RWDD2B: variants seen among roughly 807,000 people sequenced by gnomAD.
The protein encoded by RWDD2B is RWD domain containing 2B.
RWDD2B carries 36 observed loss-of-function variants against 33.6 expected under a neutral mutation model. The ratio of observed to expected loss-of-function variants is 1.07; its 90% CI spans 0.82 to 1.42. The LOEUF (loss-of-function observed/expected upper bound fraction) is 1.42. Among genes scored for constraint, RWDD2B ranks in the 40% most tolerant of loss-of-function variants. The pLI is 0.00. For synonymous variants in RWDD2B, 126 were observed against 133.1 expected, an observed-to-expected ratio of 0.95 and a Z score of 0.37; for missense variants, 364 against 377.5, an observed-to-expected ratio of 0.96 and a Z score of 0.30.
Position 29,006,387 on chromosome 21 carries a change from G to T in RWDD2B, c.*30C>A. The T allele has an allele frequency of 7.2e-7, 1 of 1,397,456 alleles. No homozygotes were observed. Among genetic ancestry groups the T allele is most frequent in the Non-Finnish European group, 9.9e-7 (1 of 1,012,966 alleles). 86.6% of individuals were successfully genotyped at this position (1,397,456 alleles called of 1,614,324 possible). A position where few individuals can be genotyped will look rare whatever the true frequency, so the allele number is the denominator to read the frequency against. ...GGAAAAAAAAATCAAAAGGCCAACA[G>T]TGGCAAGATACTTTCAACTACTCTT... On this transcript the variant is annotated 3_prime_UTR_variant, in exon 5 of 5. Transcript: ENST00000493196.
Position 29,008,127 on chromosome 21 carries a change from A to C in RWDD2B, c.363-4T>G. 1 of 1,610,878 alleles carries C rather than the reference A, an allele frequency of 6.2e-7. No individual in the cohort carries two copies. Among genetic ancestry groups the C allele is most frequent in the South Asian group, 1.1e-5 (1 of 90,532 alleles). ...GGATCTACTCAATAATACTGATCTA[A>C]TAGAAAAGATACAAGAAAAATATTG... On this transcript the variant is annotated splice_polypyrimidine_tract_variant and splice_region_variant and intron_variant, in intron 3 of 4. Transcript: ENST00000493196.
chr21:29,019,032 T>C (rs1055607620), intron 1 of RWDD2B, among the ~76,000 whole-genome samples, 179 bp downstream of exon 1: 3 of 152,030 alleles, frequency 2.0e-5, no homozygotes, highest in Non-Finnish European at 4.4e-5. Flanking sequence ...GGTCCCCGGC[T>C]GGAGCAGGGC....
chr21:29,007,405 G>A (rs2084833700), intron 4 of RWDD2B, among the ~76,000 whole-genome samples: 1 of 152,216 alleles, frequency 6.6e-6, no homozygotes. Flanking sequence ...ATAGTCATGT[G>A]TTGCTTAACA....
At chr21:29,007,303 T>C (rs1328471077) in intron 4 of RWDD2B, among the ~76,000 whole-genome samples, 1 of 152,266 alleles carries the variant, frequency 6.6e-6, no homozygotes, top group East Asian at 1.9e-4. Flanking sequence ...GGGAAAATGC[T>C]GACTACATGT....
chr21:29,010,274 G>C, intron 1 of RWDD2B, among the ~76,000 whole-genome samples: 1 of 151,866 alleles, frequency 6.6e-6, no homozygotes, highest in Non-Finnish European at 1.5e-5. Flanking sequence ...ATTGTACTCA[G>C]TCCCCTGCTT....
intron 1 of RWDD2B, among the ~76,000 whole-genome samples, chr21:29,015,263 C>T (rs2084884513): frequency 8.9e-6 from 1 of 111,920 alleles, no homozygotes; most frequent in African/African-American, 3.4e-5. Context: ...GGGAGTCTCA[C>T]TTTGTCACCC....
chr21:29,014,065 T>C (rs999764670), intron 1 of RWDD2B, among the ~76,000 whole-genome samples: 9 of 152,228 alleles, frequency 5.9e-5, no homozygotes, highest in Admixed American at 1.3e-4. Flanking sequence ...CTGGGTAGTT[T>C]ACGATGAAGA....
intron 1 of RWDD2B, among the ~76,000 whole-genome samples, chr21:29,012,183 C>CG (rs957302297): frequency 9.9e-5 from 13 of 131,266 alleles, no homozygotes; most frequent in African/African-American, 3.5e-4. Flanking sequence ...GTCAGCCCCC[C>CG]CCCGGGAGGT....
At chr21:29,010,975 T>C (rs2084855123) in intron 1 of RWDD2B, among the ~76,000 whole-genome samples, 1 of 152,192 alleles carries the variant, frequency 6.6e-6, no homozygotes, top group South Asian at 2.1e-4. Flanking sequence ...CAGTGCTCAA[T>C]GGTGCCCAGG....
intron 1 of RWDD2B, among the ~76,000 whole-genome samples, chr21:29,016,723 G>A (rs532507169): frequency 1.6e-4 from 25 of 152,188 alleles, no homozygotes; most frequent in Middle Eastern, 3.4e-3. Flanking sequence ...TTTTGTTGGC[G>A]TGGCTCTGTT....
At chr21:29,009,053 G>C (rs187594958) in intron 1 of RWDD2B, among the ~76,000 whole-genome samples, 32 of 152,274 alleles carry the variant, frequency 2.1e-4, no homozygotes, top group East Asian at 7.7e-4. Context: ...TTGGTTACGT[G>C]GATGGTCAAT....
chr21:29,007,402 T>C (rs1601018796), intron 4 of RWDD2B, among the ~76,000 whole-genome samples: 1 of 152,264 alleles, frequency 6.6e-6, no homozygotes, highest in African/African-American at 2.4e-5. Flanking sequence ...CTAATAGTCA[T>C]GTGTTGCTTA....
chr21:29,011,224 A>C (rs2084856741), intron 1 of RWDD2B, among the ~76,000 whole-genome samples: 1 of 146,876 alleles, frequency 6.8e-6, no homozygotes, highest in African/African-American at 2.6e-5. Context: ...GGAAGTGAGG[A>C]GCGCCTCTTC....
At chr21:29,010,819 C>T (rs1216676833) in intron 1 of RWDD2B, among the ~76,000 whole-genome samples, 4 of 149,986 alleles carry the variant, frequency 2.7e-5, no homozygotes, top group South Asian at 2.1e-4. Context: ...AGGCGCGCGC[C>T]GCCACCCCTG....
chr21:29,010,602 C>T (rs368500142), intron 1 of RWDD2B, among the ~76,000 whole-genome samples: 1 of 121,870 alleles, frequency 8.2e-6, no homozygotes, highest in African/African-American at 3.6e-5. Context: ...AGTGAAACTC[C>T]GTCTCAAAAA....
At chr21:29,011,876 C>T (rs1219824920) in intron 1 of RWDD2B, among the ~76,000 whole-genome samples, 5 of 122,330 alleles carry the variant, frequency 4.1e-5, no homozygotes, top group African/African-American at 1.2e-4. Flanking sequence ...CCAGCCGCCC[C>T]GTCCGGGAGG....
intron 1 of RWDD2B, among the ~76,000 whole-genome samples, chr21:29,015,224 G>T (rs1276224925): frequency 2.9e-4 from 19 of 64,822 alleles, no homozygotes; most frequent in South Asian, 1.5e-3. Flanking sequence ...ATTATGATGC[G>T]TTTTTTTTTT....
rs1308489476 is a variant in RWDD2B at position 29,015,227 on chromosome 21, T to G, written c.67+3984A>C. ...TTCAGAAGTTTGATTATGATGCGTT[T>G]TTTTTTTTTTTTTTTTTTTTGAGAT... On this transcript the variant is annotated intron_variant, in intron 1 of 4. Coordinates refer to ENST00000493196, the MANE Select transcript of RWDD2B (RefSeq NM_016940.3). Among the ~76,000 whole-genome samples the G allele has an allele frequency of 2.2e-5, 3 of 137,260 alleles. No homozygotes were observed. The Admixed American group carries it at 2.2e-4, about 10-fold the overall frequency. The allele number at this position is 137,260 out of a possible 152,430, so 90.0% of individuals were successfully genotyped here.
At chr21:29,010,427 C>T (rs1372894249) in intron 1 of RWDD2B, among the ~76,000 whole-genome samples, 1 of 54,922 alleles carries the variant, frequency 1.8e-5, no homozygotes, top group Non-Finnish European at 3.9e-5. Context: ...GGTAACATAA[C>T]GAAACCCTGT....
Sources: allele counts gnomAD v4.1 joint callset (sites outside exome capture counted in the v4.1 genomes callset), GRCh38; gene constraint gnomAD v4.1.1; transcripts MANE v1.5; gene names NCBI Gene and HGNC (gene_info 2026-07-23, HGNC 2026-07-21).